Variants in DHCR24 observed in about 807,000 individuals in gnomAD.
DHCR24 encodes 24-dehydrocholesterol reductase.
Under a neutral mutation model 61.2 loss-of-function variants are expected in DHCR24, and 28 were observed. That is an observed-to-expected ratio of 0.46 (90% CI 0.34 to 0.63). The LOEUF is 0.63. Ranked by LOEUF, DHCR24 falls within the 20% of genes least tolerant of loss-of-function variation. The pLI is 0.01. For missense variants in DHCR24, 538 were observed against 679.1 expected (o/e 0.79, Z 2.31); for synonymous variants, 261 against 275.9 (o/e 0.95, Z 0.54).
At chr1:54,854,014 C>T in intron 7 of DHCR24, 23 bp downstream of exon 7, 1 of 1,602,964 alleles carries the variant, frequency 6.2e-7, no homozygotes, top group Non-Finnish European at 8.5e-7. Context: ...CCTGGTGCGC[C>T]CTCCCTGCCC....
chr1:54,869,782 T>C (rs1646987742), intron 5 of DHCR24, among the ~76,000 whole-genome samples: 1 of 152,204 alleles, frequency 6.6e-6, no homozygotes, highest in Non-Finnish European at 1.5e-5. Flanking sequence ...CCGGGCACAG[T>C]GGCTCGCACC....
Position 54,852,244 on chromosome 1 carries a change from C to A in DHCR24, c.1540G>T (p.Ala514Ser). Residue 514 changes from alanine (A) to serine (S), a missense_variant, in exon 9 of 9, where the codon GCC (alanine) becomes TCC (serine). By Grantham distance (99) the Ala-to-Ser change is moderately conservative. Transcript: ENST00000371269. ...AGGCGGGCTCCAGCTCAGTGCCTGG[C>A]GGCCTTGCAGATCTTGTCGTACACC... ...PEVYDKICKA[A>S]RH 9 of 1,614,196 alleles carry A rather than the reference C, an allele frequency of 5.6e-6. No individual in the cohort carries two copies. Among genetic ancestry groups the A allele is most frequent in the Non-Finnish European group, 7.6e-6 (9 of 1,180,034 alleles).
At chr1:54,855,848 C>T (rs984613543) in intron 6 of DHCR24, among the ~76,000 whole-genome samples, 3 of 152,128 alleles carry the variant, frequency 2.0e-5, no homozygotes, top group Admixed American at 1.3e-4. Flanking sequence ...CAGCAGAAAT[C>T]CCCATAGTAC....
chr1:54,880,491 G>A (rs564876261), intron 2 of DHCR24, among the ~76,000 whole-genome samples: 12 of 152,342 alleles, frequency 7.9e-5, no homozygotes, highest in South Asian at 2.1e-4. Context: ...TAGGCCAAGC[G>A]CGGTGGCTCA....
intron 1 of DHCR24, 123 bp downstream of exon 1, chr1:54,886,765 TC>T (rs1324752829): frequency 8.0e-7 from 1 of 1,247,082 alleles, no homozygotes; most frequent in Non-Finnish European, 1.0e-6. Flanking sequence ...CAACGCCAGC[TC>T]CCCACCCCCC....
intron 6 of DHCR24, among the ~76,000 whole-genome samples, chr1:54,860,753 G>GCCA (rs2101561482): frequency 6.6e-6 from 1 of 151,902 alleles, no homozygotes; most frequent in South Asian, 2.1e-4. Context: ...TGGGAGGCCG[G>GCCA]GGCGGGCGGA....
At chr1:54,885,596 T>C (rs921591355) in intron 1 of DHCR24, among the ~76,000 whole-genome samples, 6 of 152,148 alleles carry the variant, frequency 3.9e-5, no homozygotes, top group African/African-American at 7.2e-5. Context: ...TCTACCAGGG[T>C]TGCTGTGAGG....
Position 54,852,190 on chromosome 1 carries a change from C to G in DHCR24, c.*43G>C, listed in dbSNP as rs1005512753. 18 of 1,612,632 alleles carry G rather than the reference C, an allele frequency of 1.1e-5. No homozygotes were observed. Among genetic ancestry groups the G allele is most frequent in the Middle Eastern group, 1.7e-4 (1 of 6,044 alleles). ...GCCAAGCTTGAGTGAAGGGAAGATG[C>G]CTGACCACTCACACGTGTCTGTCTC... On this transcript the variant is annotated 3_prime_UTR_variant, in exon 9 of 9. Transcript: ENST00000371269.
chr1:54,864,348 A>G (rs1349781845), intron 6 of DHCR24, among the ~76,000 whole-genome samples: 1 of 152,256 alleles, frequency 6.6e-6, no homozygotes, highest in East Asian at 1.9e-4. Flanking sequence ...GGTCTCTCAT[A>G]TAATGAACTA....
At chr1:54,857,276 C>T (rs1295248674) in intron 6 of DHCR24, among the ~76,000 whole-genome samples, 1 of 152,244 alleles carries the variant, frequency 6.6e-6, no homozygotes, top group Non-Finnish European at 1.5e-5. Flanking sequence ...TCTGGCCATC[C>T]TTGCTCACTG....
At chr1:54,853,939 G>A in intron 7 of DHCR24, 98 bp downstream of exon 7, 1 of 1,247,150 alleles carries the variant, frequency 8.0e-7, no homozygotes, top group Non-Finnish European at 1.1e-6. Context: ...AACACCCAGA[G>A]GGCAGTGTGC....
chr1:54,881,728 A>G (rs1647064747), intron 2 of DHCR24, among the ~76,000 whole-genome samples: 1 of 152,234 alleles, frequency 6.6e-6, no homozygotes, highest in Non-Finnish European at 1.5e-5. Context: ...TAGCAAAGAC[A>G]TGGAATCAAC....
intron 6 of DHCR24, among the ~76,000 whole-genome samples, chr1:54,862,414 T>C (rs1646943750): frequency 6.6e-6 from 1 of 152,168 alleles, no homozygotes; most frequent in Non-Finnish European, 1.5e-5. Flanking sequence ...TCTGTCTTCA[T>C]CTCCTTCAGC....
intron 2 of DHCR24, among the ~76,000 whole-genome samples, chr1:54,877,998 T>G (rs1441855972): frequency 1.4e-5 from 2 of 140,556 alleles, no homozygotes; most frequent in African/African-American, 5.5e-5. Context: ...AGGGCGAGAC[T>G]CTGTCTCAAA....
chr1:54,865,261 G>A (rs1421834805), intron 6 of DHCR24, 42 bp downstream of exon 6: 3 of 1,598,666 alleles, frequency 1.9e-6, no homozygotes, highest in Non-Finnish European at 1.7e-6. Flanking sequence ...TCCCTGCCCA[G>A]CTGGCCTGGA....
At chr1:54,853,816 T>G (rs1461249840) in intron 7 of DHCR24, among the ~76,000 whole-genome samples, 1 of 151,370 alleles carries the variant, frequency 6.6e-6, no homozygotes, top group Non-Finnish European at 1.5e-5. Flanking sequence ...TCGGAGCAGG[T>G]CATGGGAGTG....
At chr1:54,865,723 T>C (rs1646964648) in intron 5 of DHCR24, among the ~76,000 whole-genome samples, 1 of 152,198 alleles carries the variant, frequency 6.6e-6, no homozygotes, top group Non-Finnish European at 1.5e-5. Flanking sequence ...CCGCCTAGCC[T>C]GGTGCAAGTG....
At chr1:54,852,724 A>G (rs934061530) in intron 8 of DHCR24, among the ~76,000 whole-genome samples, 1 of 152,130 alleles carries the variant, frequency 6.6e-6, no homozygotes, top group African/African-American at 2.4e-5. Context: ...TTGACTTTCA[A>G]TAAACTAGAC....
Position 54,887,143 on chromosome 1 carries a change from C to T in DHCR24, c.-24G>A, listed in dbSNP as rs1647104581. On this transcript the variant is annotated 5_prime_UTR_variant, in exon 1 of 9. Coordinates refer to ENST00000371269, the MANE Select transcript of DHCR24 (RefSeq NM_014762.4). ...ATGGTGCGGCGCCGCGCGGTAAGCG[C>T]TGCGGGTTCGCGCCTCCTGTCACTG... 2 of 1,542,650 alleles carry T rather than the reference C, an allele frequency of 1.3e-6. No homozygotes were observed. The highest frequency in any genetic ancestry group is 1.4e-5 in the African/African-American group (1 of 73,054).
Sources: gnomAD v4.1 joint callset for allele counts (sites outside exome capture counted in the v4.1 genomes callset) on GRCh38, gnomAD v4.1.1 for gene constraint, MANE v1.5 for transcripts, NCBI Gene and HGNC (gene_info 2026-07-23, HGNC 2026-07-21) for gene names.